The following RXRA variants were observed in gnomAD, a reference collection of about 807,000 sequenced individuals.
RXRA encodes the protein retinoid X receptor alpha.
RXRA carries 5 observed loss-of-function variants against 44.5 expected under a neutral mutation model. The observed-to-expected ratio is 0.11, with a 90% CI of 0.06 to 0.24. RXRA has a LOEUF of 0.24. Among genes scored for constraint, RXRA ranks in the 10% least tolerant of loss-of-function variants. RXRA has a pLI of 1.00. For missense variants in RXRA, 412 were observed against 646.5 expected (o/e 0.64, Z 3.93); for synonymous variants, 291 against 271.4 (o/e 1.07, Z -0.71).
intron 6 of RXRA, chr9:134,425,434 T>C (rs894210137): frequency 1.0e-5 from 10 of 984,646 alleles, no homozygotes; most frequent in African/African-American, 5.3e-5. Context: ...CCAACCTCCT[T>C]CCCACCTGCC....
chr9:134,369,714 G>A (rs557823744), intron 1 of RXRA, among the ~76,000 whole-genome samples: 4 of 152,100 alleles, frequency 2.6e-5, no homozygotes, highest in Non-Finnish European at 4.4e-5. Flanking sequence ...TGGCCTTGGC[G>A]TGTTGAGGCC....
At position 134,397,225 on chromosome 9, in the gene RXRA, G is replaced by A. The variant is rs116937769; in HGVS notation, c.29-4407G>A. ...TGTGAGTGTCCCTGGGGTCCTGAGTGGTGCCTGCATACACCTGGGGTGGCA... is the reference window on the plus strand; with the variant it reads ...TGTGAGTGTCCCTGGGGTCCTGAGTAGTGCCTGCATACACCTGGGGTGGCA... On this transcript the variant is annotated intron_variant, in intron 1 of 9. Coordinates refer to ENST00000481739, the MANE Select transcript of RXRA (RefSeq NM_002957.6). Among the ~76,000 whole-genome samples, 21 of 152,322 alleles carry A rather than the reference G, an allele frequency of 1.4e-4. No homozygotes were observed. The East Asian group carries it at 3.7e-3, about 27-fold the overall frequency.
chr9:134,408,001 T>G (rs1588293240), intron 2 of RXRA, 148 bp from the exon 3 acceptor site: 25 of 534,374 alleles, frequency 4.7e-5, no homozygotes, highest in Middle Eastern at 3.7e-4. Context: ...CGGAGCAGCG[T>G]GGCGGGTGGG....
intron 1 of RXRA, among the ~76,000 whole-genome samples, chr9:134,385,601 A>C (rs1830707546): frequency 6.6e-6 from 1 of 152,160 alleles, no homozygotes; most frequent in South Asian, 2.1e-4. Context: ...TGCTGGGAGC[A>C]GGTGGGGATG....
rs979847428 is a variant in RXRA, at chr9:134,425,902, G to A, written c.911-3206G>A. On this transcript the variant is annotated intron_variant, in intron 6 of 9. Coordinates refer to ENST00000481739, the MANE Select transcript of RXRA (RefSeq NM_002957.6). Reference sequence around the variant, plus strand: ...GTGTTATTACTGTCCCTTGTGCTGCGGAAGTGGTGGCTCAGAGGTGAGACA... The same window carrying A: ...GTGTTATTACTGTCCCTTGTGCTGCAGAAGTGGTGGCTCAGAGGTGAGACA... 24 of 985,368 alleles carry A rather than the reference G, an allele frequency of 2.4e-5. No individual in the cohort carries two copies. In the African/African-American group the frequency reaches 4.0e-4, roughly 16 times the overall value. The allele number at this position is 985,368 out of a possible 1,614,324, so 61.0% of individuals were successfully genotyped here. A position where few individuals can be genotyped will look rare whatever the true frequency, so the allele number is the denominator to read the frequency against.
chr9:134,410,301 G>A (rs544245372), intron 4 of RXRA, among the ~76,000 whole-genome samples: 52 of 152,324 alleles, frequency 3.4e-4, no homozygotes, highest in African/African-American at 1.2e-3. Context: ...ATGGGGATTC[G>A]TGTTTCATGG....
intron 1 of RXRA, among the ~76,000 whole-genome samples, chr9:134,391,028 C>T (rs755536339): frequency 3.9e-5 from 6 of 152,148 alleles, no homozygotes; most frequent in East Asian, 1.9e-4. Context: ...CTCTGTCCAC[C>T]GCGTGGCCCC....
chr9:134,370,684 C>T (rs1830480444), intron 1 of RXRA, among the ~76,000 whole-genome samples: 2 of 152,246 alleles, frequency 1.3e-5, no homozygotes, highest in African/African-American at 4.8e-5. Flanking sequence ...GCTGGCTGGG[C>T]CCTGGGCTGC....
At chr9:134,379,565 G>A (rs1216243139) in intron 1 of RXRA, 1 of 985,434 alleles carries the variant, frequency 1.0e-6, no homozygotes, top group African/African-American at 1.7e-5. Flanking sequence ...GCCTCATGGG[G>A]GGCTTGCTCC....
chr9:134,326,770 C>T (rs1291149260), intron 1 of RXRA, 111 bp downstream of exon 1: 6 of 212,168 alleles, frequency 2.8e-5, no homozygotes, highest in Non-Finnish European at 3.9e-5. Context: ...GGCCCGGGCC[C>T]CGCTCGGACC....
rs1312341564 is a variant in RXRA at position 134,426,616 on chromosome 9, A to C, written c.911-2492A>C. 2 of 985,276 alleles carry C rather than the reference A, an allele frequency of 2.0e-6. No homozygotes were observed. Among genetic ancestry groups the C allele is most frequent in the Admixed American group, 1.2e-4 (2 of 16,274 alleles). The allele number at this position is 985,276 out of a possible 1,614,324, so 61.0% of individuals were successfully genotyped here. ...CAGCGCCTTCTGACCCCAGCCGTGC[A>C]CTAGGCCCCTCTGCTGGGCACACCA... is the stretch of plus-strand genomic sequence containing the variant. On this transcript the variant is annotated intron_variant, in intron 6 of 9. Coordinates refer to ENST00000481739, the MANE Select transcript of RXRA (RefSeq NM_002957.6). The surrounding 1 kb of genome is among the most constrained non-coding windows in gnomAD (Gnocchi z 4.6).
intron 1 of RXRA, among the ~76,000 whole-genome samples, chr9:134,388,090 T>C (rs1018394306): frequency 6.6e-6 from 1 of 152,148 alleles, no homozygotes; most frequent in African/African-American, 2.4e-5. Flanking sequence ...TTTACTCATC[T>C]GTAAAGTGGG....
At chr9:134,363,333 G>C (rs1303317236) in intron 1 of RXRA, among the ~76,000 whole-genome samples, 2 of 152,254 alleles carry the variant, frequency 1.3e-5, no homozygotes, top group East Asian at 1.9e-4. Flanking sequence ...CAGGGAGCCT[G>C]GCGGTGGGCC....
At chr9:134,435,865 CCA>C (rs1244749755) in intron 9 of RXRA, among the ~76,000 whole-genome samples, 3 of 152,218 alleles carry the variant, frequency 2.0e-5, no homozygotes, top group Non-Finnish European at 4.4e-5. Flanking sequence ...CTGTCATGGC[CCA>C]CAGTTTTTCA....
chr9:134,346,927 G>T (rs1830160145), intron 1 of RXRA, among the ~76,000 whole-genome samples: 1 of 152,218 alleles, frequency 6.6e-6, no homozygotes, highest in Admixed American at 6.5e-5. Flanking sequence ...GGAGGGCAAG[G>T]CTGGTGGGGG....
intron 1 of RXRA, among the ~76,000 whole-genome samples, chr9:134,389,451 G>C (rs974497165): frequency 1.3e-5 from 2 of 152,074 alleles, no homozygotes; most frequent in African/African-American, 2.4e-5. Context: ...TTGGACTTTG[G>C]GGGTATAATG....
chr9:134,377,149 C>T (rs778892106), intron 1 of RXRA, among the ~76,000 whole-genome samples: 13 of 152,334 alleles, frequency 8.5e-5, no homozygotes, highest in South Asian at 8.3e-4. Context: ...TCGCTGCATC[C>T]GTGCTGGGCA....
rs548963300 is a variant in RXRA, at chr9:134,365,023, C to T, written c.29-36609C>T. ...TGCTAGAGAGGGGTGTGCCCTGTCC[C>T]GGTTGCCCAGCTGGGGGATGGGGCA... On this transcript the variant is annotated intron_variant, in intron 1 of 9. Coordinates refer to ENST00000481739, the MANE Select transcript of RXRA (RefSeq NM_002957.6). The surrounding 1 kb of genome is among the most constrained non-coding windows in gnomAD (Gnocchi z 4.0). 1.2e-4 allele frequency among the ~76,000 whole-genome samples: 19 copies of T among 152,298 alleles called. No individual in the cohort carries two copies. Among genetic ancestry groups the T allele is most frequent in the Middle Eastern group, 3.4e-3 (1 of 294 alleles).
At chr9:134,329,360 G>A (rs576775166) in intron 1 of RXRA, among the ~76,000 whole-genome samples, 3 of 152,362 alleles carry the variant, frequency 2.0e-5, no homozygotes, top group East Asian at 3.9e-4. Flanking sequence ...TAGCGCGGGC[G>A]CTGCCCGACG....
Sources: gnomAD v4.1 joint callset for allele counts (sites outside exome capture counted in the v4.1 genomes callset) on GRCh38, gnomAD v4.1.1 for gene constraint, Gnocchi (gnomAD v3.1) non-coding constraint, MANE v1.5 for transcripts, NCBI Gene and HGNC (gene_info 2026-07-23, HGNC 2026-07-21) for gene names.